Variants in CPED1 observed in about 807,000 individuals in gnomAD.
The protein encoded by CPED1 is cadherin-like and PC-esterase domain-containing protein 1.
Under a neutral mutation model 128.2 loss-of-function variants are expected in CPED1, and 114 were observed. The ratio of observed to expected loss-of-function variants is 0.89; its 90% CI spans 0.76 to 1.04. The LOEUF (loss-of-function observed/expected upper bound fraction) is 1.04, where lower values mean the gene tolerates loss of function less well. Among genes scored for constraint, CPED1 ranks in the 50% least tolerant of loss-of-function variants. The pLI is 0.00. For missense variants in CPED1, 1,211 were observed against 1,207.1 expected, an observed-to-expected ratio of 1.00 and a Z score of -0.05; for synonymous variants, 462 against 426.7, an observed-to-expected ratio of 1.08 and a Z score of -1.02.
intron 7 of CPED1, among the ~76,000 whole-genome samples, chr7:121,121,432 T>A (rs189110378): frequency 4.6e-5 from 7 of 152,352 alleles, no homozygotes; most frequent in Admixed American, 4.6e-4. Context: ...GACCATGATC[T>A]TATGAGGTCA....
chr7:121,102,543 C>G (rs1453687991), intron 7 of CPED1, among the ~76,000 whole-genome samples: 1 of 152,074 alleles, frequency 6.6e-6, no homozygotes, highest in Non-Finnish European at 1.5e-5. Context: ...GCACATCTTC[C>G]TCCGTTATAT....
chr7:121,172,421 AT>A (rs1389465865), intron 16 of CPED1, among the ~76,000 whole-genome samples: 1 of 151,404 alleles, frequency 6.6e-6, no homozygotes, highest in Admixed American at 6.6e-5. Flanking sequence ...AACTAGAGAT[AT>A]TTTTCATCCT....
chr7:121,167,725 A>ATTTTT (rs10588976), intron 16 of CPED1, among the ~76,000 whole-genome samples: 17 of 99,236 alleles, frequency 1.7e-4, no homozygotes, highest in African/African-American at 3.8e-4. Flanking sequence ...TTTAAAGTCT[A>ATTTTT]TTTTTTTTTT....
rs370223183 is a variant in CPED1 at position 121,170,527 on chromosome 7, A to G, written c.2055+28386A>G. Among the ~76,000 whole-genome samples, 436 of 152,312 alleles carry G rather than the reference A, an allele frequency of 2.9e-3. 22 individuals carry two copies. The South Asian group carries it at 0.088, about 31-fold the overall frequency. ...AAAATGCTTAACACAAGGCCTGATG[A>G]ATAATAAGTACTCAGTAAAAGTTAA... On this transcript the variant is annotated intron_variant, in intron 16 of 22. Coordinates refer to ENST00000310396, the MANE Select transcript of CPED1 (RefSeq NM_024913.5).
intron 5 of CPED1, among the ~76,000 whole-genome samples, chr7:121,085,030 T>C (rs1302612879): frequency 3.3e-5 from 5 of 151,526 alleles, no homozygotes; most frequent in African/African-American, 1.2e-4. Flanking sequence ...GATCACTTCC[T>C]ATGTATTCAT....
rs747862156 is a variant in CPED1 at position 121,267,173 on chromosome 7, A to T, written c.2634-42A>T. 2.9e-6 allele frequency: 3 copies of T among 1,047,138 alleles called. No homozygotes were observed. The East Asian group carries it at 7.2e-5, about 25-fold the overall frequency. The allele number at this position is 1,047,138 out of a possible 1,614,324, so 64.9% of individuals were successfully genotyped here. On this transcript the variant is annotated intron_variant, in intron 20 of 22. Coordinates refer to ENST00000310396, the MANE Select transcript of CPED1 (RefSeq NM_024913.5). ...ATAAACAACAAACATCTAGAAATGTAATTAAAGTTACTGACTTTAGAATTA... is the reference window on the plus strand; with the variant it reads ...ATAAACAACAAACATCTAGAAATGTTATTAAAGTTACTGACTTTAGAATTA...
intron 5 of CPED1, among the ~76,000 whole-genome samples, chr7:121,079,919 G>A (rs1000260793): frequency 6.6e-6 from 1 of 152,184 alleles, no homozygotes; most frequent in African/African-American, 2.4e-5. Flanking sequence ...CTGATAATTT[G>A]TAGGATTCTG....
At chr7:121,080,092 A>G (rs1794246219) in intron 5 of CPED1, among the ~76,000 whole-genome samples, 1 of 152,216 alleles carries the variant, frequency 6.6e-6, no homozygotes, top group Admixed American at 6.5e-5. Context: ...TGGCTAACAC[A>G]TGAACTTCAA....
intron 13 of CPED1, among the ~76,000 whole-genome samples, chr7:121,135,811 C>T (rs1280980705): frequency 2.0e-5 from 3 of 151,884 alleles, no homozygotes; most frequent in Admixed American, 2.0e-4. Context: ...GGCATTTAGA[C>T]CATTCATTTT....
chr7:121,180,995 G>C (rs1044703856), intron 16 of CPED1, among the ~76,000 whole-genome samples: 1 of 151,932 alleles, frequency 6.6e-6, no homozygotes, highest in South Asian at 2.1e-4. Context: ...TGGACTTGAG[G>C]CTTTTTCACA....
chr7:121,216,088 C>A (rs1004156820), intron 16 of CPED1, among the ~76,000 whole-genome samples: 2 of 152,060 alleles, frequency 1.3e-5, no homozygotes, highest in African/African-American at 4.8e-5. Context: ...CTCTTAAACT[C>A]TTACCCTCTA....
chr7:121,118,046 T>G (rs1301341155), intron 7 of CPED1, among the ~76,000 whole-genome samples: 5 of 152,190 alleles, frequency 3.3e-5, no homozygotes, highest in African/African-American at 1.2e-4. Context: ...TTAACAAGAT[T>G]GAATATTTCA....
intron 8 of CPED1, among the ~76,000 whole-genome samples, chr7:121,124,944 G>C (rs1795468779): frequency 6.6e-6 from 1 of 151,980 alleles, no homozygotes; most frequent in African/African-American, 2.4e-5. Flanking sequence ...TTTGTTCTAA[G>C]GAAATGTTAA....
chr7:121,250,474 AG>A (rs1222339210), intron 18 of CPED1, among the ~76,000 whole-genome samples: 1 of 152,108 alleles, frequency 6.6e-6, no homozygotes, highest in Non-Finnish European at 1.5e-5. Flanking sequence ...CTAAGATCAG[AG>A]CAGAACTGAA....
At position 121,256,111 on chromosome 7, in the gene CPED1, C is replaced by CAAAAAAAAAAAA. The variant is rs1286167648; in HGVS notation, c.2311-10115_2311-10104dup. Among the ~76,000 whole-genome samples the CAAAAAAAAAAAA allele has an allele frequency of 2.6e-3, 88 of 34,110 alleles. 1 individual carries two copies. The highest frequency in any genetic ancestry group is 9.0e-3 in the African/African-American group (82 of 9,084). 22.4% of individuals were successfully genotyped at this position (34,110 alleles called of 152,430 possible). A position where few individuals can be genotyped will look rare whatever the true frequency, so the allele number is the denominator to read the frequency against. The stretch of plus-strand genomic sequence containing the variant: ...CCCTAATAGTTAAAGCAATCCTAAG[C>CAAAAAAAAAAAA]AAAAAAAAAAAACAAAACAAAAAAA... On this transcript the variant is annotated intron_variant, in intron 18 of 22. Transcript: ENST00000310396.
chr7:121,002,692 A>G (rs1012764363), intron 2 of CPED1, among the ~76,000 whole-genome samples: 2 of 152,160 alleles, frequency 1.3e-5, no homozygotes, highest in African/African-American at 2.4e-5. Flanking sequence ...TGATTAAAGT[A>G]TGACCATGTT....
intron 17 of CPED1, among the ~76,000 whole-genome samples, chr7:121,238,231 C>T (rs1054669891): frequency 2.0e-5 from 3 of 152,138 alleles, no homozygotes; most frequent in African/African-American, 7.2e-5. Flanking sequence ...ACTTAAGGAG[C>T]TAGGTCTCCT....
At chr7:121,069,119 T>C (rs1177373663) in intron 5 of CPED1, among the ~76,000 whole-genome samples, 1 of 152,112 alleles carries the variant, frequency 6.6e-6, no homozygotes, top group African/African-American at 2.4e-5. Flanking sequence ...ATAAATATCT[T>C]TGAAAAGCTA....
At chr7:121,230,612 G>C (rs1205199917) in intron 16 of CPED1, among the ~76,000 whole-genome samples, 1 of 151,978 alleles carries the variant, frequency 6.6e-6, no homozygotes, top group Non-Finnish European at 1.5e-5. Context: ...TCTCCACAAA[G>C]TTTTTGGCCT....
Sources: gnomAD v4.1 joint callset for allele counts (sites outside exome capture counted in the v4.1 genomes callset) on GRCh38, gnomAD v4.1.1 for gene constraint, MANE v1.5 for transcripts, NCBI Gene and HGNC (gene_info 2026-07-23, HGNC 2026-07-21) for gene names.